Variants in ANKRD24 observed in about 807,000 individuals in gnomAD.
ANKRD24 encodes the protein ankyrin repeat domain 24, also known as ankyrin repeat domain-containing protein 24.
A neutral mutation model predicts 127.8 loss-of-function variants in ANKRD24; 109 were observed. That is an observed-to-expected ratio of 0.85 (90% CI 0.73 to 1.00). The LOEUF (loss-of-function observed/expected upper bound fraction) is 1.00. ANKRD24 is among the 50% of genes least tolerant of loss of function. ANKRD24 has a pLI of 0.00. For missense variants in ANKRD24, 1,648 were observed against 1,570.2 expected, an observed-to-expected ratio of 1.05 and a Z score of -0.84; for synonymous variants, 743 against 671.1, an observed-to-expected ratio of 1.11 and a Z score of -1.66.
At chr19:4,212,774 TCA>T in intron 15 of ANKRD24, 76 bp downstream of exon 15, 1 of 1,331,974 alleles carries the variant, frequency 7.5e-7, no homozygotes, top group East Asian at 2.5e-5. Flanking sequence ...GACAAGACAG[TCA>T]CACCAGTGCA....
intron 5 of ANKRD24, among the ~76,000 whole-genome samples, chr19:4,201,755 C>T (rs995384956): frequency 2.0e-5 from 3 of 152,040 alleles, no homozygotes; most frequent in Non-Finnish European, 4.4e-5. Flanking sequence ...GACATGGTGG[C>T]ACTTGCTTGT....
At position 4,216,658 on chromosome 19, in the gene ANKRD24, C is replaced by G; in HGVS notation, c.1498C>G (p.Arg500Gly). 16 of 1,601,906 alleles carry G rather than the reference C, an allele frequency of 1.0e-5. No homozygotes were observed. Among genetic ancestry groups the G allele is most frequent in the African/African-American group, 2.7e-5 (2 of 74,798 alleles). The change falls in exon 18 of 22, where the codon CGC (arginine) becomes GGC (glycine). Residue 500 changes from arginine to glycine, a missense_variant. Coordinates refer to ENST00000318934, the MANE Select transcript of ANKRD24 (RefSeq NM_001393985.1). ...TCTCCGGGCCGAGTTTGACCAGCTA[C>G]GCAGGCAGCACGCTGAGGCCCTGCA... is the stretch of plus-strand genomic sequence containing the variant. ...DSLRAEFDQL[R>G]RQHAEALQAL... is the part of the protein sequence containing the mutation.
chr19:4,197,059 T>A (rs1968785960), intron 2 of ANKRD24, among the ~76,000 whole-genome samples: 2 of 152,206 alleles, frequency 1.3e-5, no homozygotes, highest in African/African-American at 4.8e-5. Context: ...GACTGAGTGC[T>A]GCCAGGTAGT....
rs1262720012 is a variant in ANKRD24, at chr19:4,217,529, C to T, written c.2369C>T (p.Ala790Val). ...GGGDTTQLRA[A>V]LEQAREDLRD... is the part of the protein sequence containing the mutation. ...GGTGACACCACACAGCTGCGGGCGG[C>T]CCTGGAGCAGGCCCGGGAGGACCTC... The change falls in exon 18 of 22, where the codon GCC (alanine) becomes GTC (valine). Residue 790 changes from alanine to valine, a missense_variant. Coordinates refer to ENST00000318934, the MANE Select transcript of ANKRD24 (RefSeq NM_001393985.1). 2 of 1,355,812 alleles carry T rather than the reference C, an allele frequency of 1.5e-6. No homozygotes were observed. The highest frequency in any genetic ancestry group is 1.7e-5 in the South Asian group (1 of 57,556). The allele number at this position is 1,355,812 out of a possible 1,614,324, so 84.0% of individuals were successfully genotyped here.
Position 4,199,799 on chromosome 19 carries a change from C to A in ANKRD24, c.123+30C>A. 6.6e-7 allele frequency: 1 copy of A among 1,517,222 alleles called. No homozygotes were observed. The highest frequency in any genetic ancestry group is 8.8e-7 in the Non-Finnish European group (1 of 1,132,496). The allele number at this position is 1,517,222 out of a possible 1,614,324, so 94.0% of individuals were successfully genotyped here. The stretch of plus-strand genomic sequence containing the variant: ...GTGCCCAGGGGCAGGTGGTGAGAGC[C>A]CGGAGCCCCTGTCGGGGGCGTGGGG... On this transcript the variant is annotated intron_variant, in intron 3 of 21. Coordinates refer to ENST00000318934, the MANE Select transcript of ANKRD24 (RefSeq NM_001393985.1). The surrounding 1 kb of genome is among the most constrained non-coding windows in gnomAD (Gnocchi z 5.2).
At chr19:4,221,304 C>T (rs1401586340) in intron 19 of ANKRD24, among the ~76,000 whole-genome samples, 2 of 151,742 alleles carry the variant, frequency 1.3e-5, no homozygotes, top group Non-Finnish European at 2.9e-5. Flanking sequence ...CTCGAACTCC[C>T]GACCTCAGGT....
At chr19:4,207,684 T>A (rs1466859833) in intron 9 of ANKRD24, 77 bp downstream of exon 9, 1 of 1,596,338 alleles carries the variant, frequency 6.3e-7, no homozygotes, top group Non-Finnish European at 8.6e-7. Context: ...TAAGACGATC[T>A]AGCCAGCCTC....
At chr19:4,219,847 C>T in intron 19 of ANKRD24, 89 bp downstream of exon 19, 1 of 1,379,224 alleles carries the variant, frequency 7.3e-7, no homozygotes, top group African/African-American at 1.4e-5. Flanking sequence ...CTGCAAGGGC[C>T]TTGGAAAATC....
At position 4,207,303 on chromosome 19, in the gene ANKRD24, C is replaced by T. The variant is rs572403917; in HGVS notation, c.528C>T (p.Pro176=). ...GCTCCTTTAAGGCACATCTAAACCC[C>T]CAAGATCGGGTAAGCTTCTGGGATC... is the stretch of plus-strand genomic sequence containing the variant. ...VLCSFKAHLN[P]QDRSGATPLI... is the part of the protein sequence containing the mutation. Residue 176 remains proline, a synonymous_variant, in exon 8 of 22, where the codon CCC becomes CCT. Transcript: ENST00000318934. 3.1e-6 allele frequency: 5 copies of T among 1,613,778 alleles called. No individual in the cohort carries two copies. The highest frequency in any genetic ancestry group is 1.7e-5 in the Admixed American group (1 of 59,978).
At chr19:4,191,124 C>G (rs1328252739) in intron 2 of ANKRD24, among the ~76,000 whole-genome samples, 4 of 152,162 alleles carry the variant, frequency 2.6e-5, no homozygotes, top group Non-Finnish European at 2.9e-5. Context: ...TGGGCTGGAA[C>G]TGTTGCAGCA....
At chr19:4,206,454 A>C (rs1969392034) in intron 7 of ANKRD24, among the ~76,000 whole-genome samples, 1 of 151,796 alleles carries the variant, frequency 6.6e-6, no homozygotes, top group Non-Finnish European at 1.5e-5. Flanking sequence ...TGTCTCTAAA[A>C]AAATAAAATA....
At chr19:4,190,275 A>G (rs923069249) in intron 2 of ANKRD24, among the ~76,000 whole-genome samples, 2 of 152,058 alleles carry the variant, frequency 1.3e-5, no homozygotes, top group Admixed American at 6.5e-5. Flanking sequence ...CTCTACTAAA[A>G]ATACAAAAAA....
chr19:4,219,640 C>T lies in ANKRD24; in HGVS notation c.3053C>T (p.Ala1018Val), dbSNP rs1484867643. ...AAGAGTGAGCGACACGCAGCCGAGGCACAGCTGGCCACAGCAGAGCAGCAG... is the reference window on the plus strand; with the variant it reads ...AAGAGTGAGCGACACGCAGCCGAGGTACAGCTGGCCACAGCAGAGCAGCAG... ...FMKSERHAAEAQLATAEQQLR... is the reference protein window; with the variant it reads ...FMKSERHAAEVQLATAEQQLR... The change falls in exon 19 of 22, where the codon GCA becomes GTA. Residue 1018 changes from alanine to valine, a missense_variant. By Grantham distance (64) the Ala-to-Val change is moderately conservative. Transcript: ENST00000318934. 7 of 1,613,766 alleles carry T rather than the reference C, an allele frequency of 4.3e-6. No individual in the cohort carries two copies. Among genetic ancestry groups the T allele is most frequent in the South Asian group, 2.2e-5 (2 of 91,064 alleles).
Position 4,224,620 on chromosome 19 carries a change from C to G in ANKRD24, c.*115C>G. On this transcript the variant is annotated 3_prime_UTR_variant, in exon 22 of 22. Coordinates refer to ENST00000318934, the MANE Select transcript of ANKRD24 (RefSeq NM_001393985.1). ...TCACTTGGCCCTATCCAGGCCCATGCACTTGGAGACCAGCCTGGTTCCCTG... is the reference window on the plus strand; with the variant it reads ...TCACTTGGCCCTATCCAGGCCCATGGACTTGGAGACCAGCCTGGTTCCCTG... 2.0e-6 allele frequency: 2 copies of G among 997,406 alleles called. No individual in the cohort carries two copies. Among genetic ancestry groups the G allele is most frequent in the Non-Finnish European group, 3.0e-6 (2 of 664,578 alleles). The allele number at this position is 997,406 out of a possible 1,614,324, so 61.8% of individuals were successfully genotyped here. A position where few individuals can be genotyped will look rare whatever the true frequency, so the allele number is the denominator to read the frequency against.
At chr19:4,212,002 C>T (rs779262297) in intron 13 of ANKRD24, among the ~76,000 whole-genome samples, 5 of 151,978 alleles carry the variant, frequency 3.3e-5, no homozygotes, top group Non-Finnish European at 5.9e-5. Flanking sequence ...AGATCGAGAC[C>T]ATCCTGGCTA....
In ANKRD24 at chr19:4,186,435, C is replaced by T; in HGVS notation, c.10C>T (p.Leu4Phe). The T allele has an allele frequency of 6.3e-7, 1 of 1,592,682 alleles. No homozygotes were observed. Among genetic ancestry groups the T allele is most frequent in the Non-Finnish European group, 8.5e-7 (1 of 1,169,640 alleles). The change falls in exon 2 of 22, where the codon CTC becomes TTC. Residue 4 changes from leucine to phenylalanine, a missense_variant. Transcript: ENST00000318934. ...ACACAGGGCACCAACTATGAAGACT[C>T]TCAGGGCGCGATTTAAGAAGACAGA... MKTLRARFKKTELR... is the reference protein window; with the variant it reads MKTFRARFKKTELR...
In ANKRD24 at chr19:4,207,282, C is replaced by G. The variant is rs2145324712; in HGVS notation, c.507C>G (p.Ser169=). The G allele has an allele frequency of 6.2e-7, 1 of 1,613,850 alleles. No homozygotes were observed. Among genetic ancestry groups the G allele is most frequent in the Non-Finnish European group, 8.5e-7 (1 of 1,179,862 alleles). ...TCTCCTGCTCAGAGGTGCTCTGCTC[C>G]TTTAAGGCACATCTAAACCCCCAAG... is the stretch of plus-strand genomic sequence containing the variant. The part of the protein sequence containing the change: ...GCLSCSEVLC[S]FKAHLNPQDR... The change falls in exon 8 of 22, where the codon TCC becomes TCG. Residue 169 remains serine, a synonymous_variant. Coordinates refer to ENST00000318934, the MANE Select transcript of ANKRD24 (RefSeq NM_001393985.1).
intron 18 of ANKRD24, among the ~76,000 whole-genome samples, chr19:4,219,318 A>C (rs948404738): frequency 4.0e-5 from 6 of 151,874 alleles, no homozygotes; most frequent in African/African-American, 7.3e-5. Flanking sequence ...AAAACAAGCA[A>C]ATAGTAGCCA....
rs1968700870 is a variant in ANKRD24, at chr19:4,195,840, G to A, written c.37-3843G>A. Among the ~76,000 whole-genome samples, 1 of 152,204 alleles carries A rather than the reference G, an allele frequency of 6.6e-6. No individual in the cohort carries two copies. Among genetic ancestry groups the A allele is most frequent in the Admixed American group, 6.5e-5 (1 of 15,276 alleles). On this transcript the variant is annotated intron_variant, in intron 2 of 21. Transcript: ENST00000318934. The surrounding 1 kb of genome is among the most constrained non-coding windows in gnomAD (Gnocchi z 4.2). ...ACCCGGGAGGCAGAGCTTGCAGTGA[G>A]CCGAGATCGCACCACTGCACTCCAG...
Sources: gnomAD v4.1 joint callset for allele counts (sites outside exome capture counted in the v4.1 genomes callset) on GRCh38, gnomAD v4.1.1 for gene constraint, Gnocchi (gnomAD v3.1) non-coding constraint, MANE v1.5 for transcripts, NCBI Gene and HGNC (gene_info 2026-07-23, HGNC 2026-07-21) for gene names.